The following SNX29 variants were observed in gnomAD, a reference collection of about 807,000 sequenced individuals.
The protein encoded by SNX29 is sorting nexin-29.
Under a neutral mutation model 102.1 loss-of-function variants are expected in SNX29, and 78 were observed. The ratio of observed to expected loss-of-function variants is 0.76; its 90% CI spans 0.64 to 0.92. SNX29 has a LOEUF of 0.92. Among genes scored for constraint, SNX29 ranks in the 40% least tolerant of loss-of-function variants. SNX29 has a pLI of 0.00. For synonymous variants in SNX29, 580 were observed against 414.5 expected (o/e 1.40, Z -4.85); for missense variants, 1,280 against 1,061.7 (o/e 1.21, Z -2.86).
intron 19 of SNX29, among the ~76,000 whole-genome samples, chr16:12,504,656 C>A (rs188434575): frequency 4.6e-5 from 7 of 152,334 alleles, no homozygotes. Context: ...AGAGAGACCA[C>A]ACTCACATTA....
At chr16:12,527,820 C>G (rs2076826893) in intron 20 of SNX29, among the ~76,000 whole-genome samples, 1 of 149,488 alleles carries the variant, frequency 6.7e-6, no homozygotes, top group African/African-American at 2.5e-5. Flanking sequence ...TATTTTTCTT[C>G]TTCTTCTTTT....
chr16:12,356,561 T>A (rs1450949224), intron 16 of SNX29, among the ~76,000 whole-genome samples: 1 of 152,256 alleles, frequency 6.6e-6, no homozygotes, highest in Non-Finnish European at 1.5e-5. Flanking sequence ...TTCCATACTT[T>A]ACTACATGGG....
intron 20 of SNX29, among the ~76,000 whole-genome samples, chr16:12,562,779 A>C (rs114086035): frequency 6.6e-6 from 1 of 152,168 alleles, no homozygotes; most frequent in East Asian, 1.9e-4. Context: ...GGAGTCCTTT[A>C]GCCATCACCA....
intron 14 of SNX29, among the ~76,000 whole-genome samples, chr16:12,228,260 A>G (rs1007099646): frequency 2.0e-5 from 3 of 152,216 alleles, no homozygotes; most frequent in African/African-American, 4.8e-5. Context: ...CCATACTGCT[A>G]TTCTCCCTTC....
At chr16:12,218,447 T>C (rs2142091097) in intron 14 of SNX29, among the ~76,000 whole-genome samples, 1 of 152,362 alleles carries the variant, frequency 6.6e-6, no homozygotes, top group Non-Finnish European at 1.5e-5. Context: ...TTTTATTGGA[T>C]CATGGCCATA....
intron 8 of SNX29, 91 bp from the exon 9 acceptor site, chr16:12,061,437 G>C: frequency 1.8e-6 from 2 of 1,086,906 alleles, no homozygotes; most frequent in Non-Finnish European, 2.7e-6. Flanking sequence ...GGCCTGGTTA[G>C]TTCTCAGGAG....
rs575175774 is a variant in SNX29 at position 12,359,692 on chromosome 16, A to C, written c.1899+3413A>C. Among the ~76,000 whole-genome samples, 196 of 152,342 alleles carry C rather than the reference A, an allele frequency of 1.3e-3. 1 individual carries two copies. Among genetic ancestry groups the C allele is most frequent in the South Asian group, 4.6e-3 (22 of 4,830 alleles). On this transcript the variant is annotated intron_variant, in intron 16 of 20. Coordinates refer to ENST00000566228, the MANE Select transcript of SNX29 (RefSeq NM_032167.5). ...ACTCAAGGTCATTCTTGCTTTGCTCATACTCTACTCATTACTTCTCAACTC... is the reference window on the plus strand; with the variant it reads ...ACTCAAGGTCATTCTTGCTTTGCTCCTACTCTACTCATTACTTCTCAACTC...
intron 19 of SNX29, among the ~76,000 whole-genome samples, chr16:12,520,522 GGAAA>G (rs1344589049): frequency 2.0e-5 from 3 of 152,104 alleles, no homozygotes; most frequent in African/African-American, 7.2e-5. Flanking sequence ...CACAGGGCAG[GGAAA>G]TCTCTGAGAA....
intron 19 of SNX29, among the ~76,000 whole-genome samples, chr16:12,503,919 C>T (rs745871353): frequency 2.0e-5 from 3 of 152,156 alleles, no homozygotes; most frequent in Non-Finnish European, 4.4e-5. Flanking sequence ...ACACACCATA[C>T]GATTTAACCA....
At chr16:12,539,929 T>C (rs1387733138) in intron 20 of SNX29, among the ~76,000 whole-genome samples, 2 of 152,166 alleles carry the variant, frequency 1.3e-5, no homozygotes, top group African/African-American at 4.8e-5. Flanking sequence ...GTTCTTTGTA[T>C]ATGTTAGATG....
chr16:12,267,849 AG>A (rs56804887), intron 14 of SNX29, among the ~76,000 whole-genome samples: 2,227 of 152,252 alleles, frequency 0.015, 65 homozygotes, highest in African/African-American at 0.05. Context: ...TGAATCCTCC[AG>A]GGGCTGCTTG....
At chr16:12,503,232 C>A (rs1273564083) in intron 19 of SNX29, among the ~76,000 whole-genome samples, 1 of 152,132 alleles carries the variant, frequency 6.6e-6, no homozygotes, top group Non-Finnish European at 1.5e-5. Context: ...TCCTTCCCTG[C>A]GACGTTCCTT....
intron 14 of SNX29, among the ~76,000 whole-genome samples, chr16:12,252,699 C>T (rs968643410): frequency 2.6e-5 from 4 of 152,352 alleles, no homozygotes; most frequent in South Asian, 2.1e-4. Context: ...AGCCCCGTTG[C>T]GGTGCCGAGG....
intron 14 of SNX29, among the ~76,000 whole-genome samples, chr16:12,206,622 C>A (rs1165220839): frequency 6.6e-6 from 1 of 152,054 alleles, no homozygotes; most frequent in East Asian, 1.9e-4. Flanking sequence ...AGGTTGCCAG[C>A]AGCTGTAGCT....
chr16:12,464,378 A>G (rs2086957008), intron 18 of SNX29, among the ~76,000 whole-genome samples: 1 of 152,206 alleles, frequency 6.6e-6, no homozygotes, highest in African/African-American at 2.4e-5. Flanking sequence ...ATAATACTGC[A>G]GTGAATATGC....
rs553484909 is a variant in SNX29 at position 12,195,424 on chromosome 16, C to T, written c.1596-4177C>T. ...CTTGCTGGGTCAGAAGGTTACAGTTCTTGAAGCTGTTGATTCATATTTCCT... is the reference window on the plus strand; with the variant it reads ...CTTGCTGGGTCAGAAGGTTACAGTTTTTGAAGCTGTTGATTCATATTTCCT... On this transcript the variant is annotated intron_variant, in intron 13 of 20. Coordinates refer to ENST00000566228, the MANE Select transcript of SNX29 (RefSeq NM_032167.5). Among the ~76,000 whole-genome samples the T allele has an allele frequency of 3.9e-5, 6 of 152,308 alleles. No individual in the cohort carries two copies. In the East Asian group the frequency reaches 1.2e-3, roughly 29 times the overall value.
chr16:12,559,228 C>G lies in SNX29; in HGVS notation c.2319-9278C>G, dbSNP rs999353869. ...AGCGCTTCGTCTGTATTTACAGCCA[C>G]TCCCCATCACTCGCATCACCGCCTG... On this transcript the variant is annotated intron_variant, in intron 20 of 20. Transcript: ENST00000566228. Among the ~76,000 whole-genome samples, 5 of 152,088 alleles carry G rather than the reference C, an allele frequency of 3.3e-5. No individual in the cohort carries two copies. The East Asian group carries it at 5.8e-4, about 18-fold the overall frequency.
chr16:12,051,808 C>G, intron 7 of SNX29, 39 bp from the exon 8 acceptor site: 1 of 1,588,234 alleles, frequency 6.3e-7, no homozygotes, highest in East Asian at 2.2e-5. Context: ...GTCTTGCCTC[C>G]TTTTTCTTAT....
intron 13 of SNX29, among the ~76,000 whole-genome samples, chr16:12,160,177 A>G (rs977238799): frequency 6.6e-6 from 1 of 152,200 alleles, no homozygotes. Flanking sequence ...CTGGATGCCC[A>G]CTGTTTGCCC....
Sources: gnomAD v4.1 joint callset for allele counts (sites outside exome capture counted in the v4.1 genomes callset) on GRCh38, gnomAD v4.1.1 for gene constraint, MANE v1.5 for transcripts, NCBI Gene and HGNC (gene_info 2026-07-23, HGNC 2026-07-21) for gene names.